BTAF1: variants seen among roughly 807,000 people sequenced by gnomAD.
BTAF1 encodes the protein TATA-binding protein-associated factor 172.
A neutral mutation model predicts 227.1 loss-of-function variants in BTAF1; 38 were observed. The observed-to-expected ratio is 0.17, with a 90% CI of 0.13 to 0.22. The LOEUF (loss-of-function observed/expected upper bound fraction) is 0.22, where lower values mean the gene tolerates loss of function less well. BTAF1 is among the 10% of genes least tolerant of loss of function. The pLI, the probability that BTAF1 is intolerant of heterozygous loss-of-function variation, is 1.00. For synonymous variants in BTAF1, 742 were observed against 751.9 expected (o/e 0.99, Z 0.21); for missense variants, 1,598 against 2,204.0 (o/e 0.73, Z 5.51).
chr10:91,981,516 A>G (rs1848061365), intron 15 of BTAF1, 127 bp from the exon 16 acceptor site: 1 of 1,017,638 alleles, frequency 9.8e-7, no homozygotes, highest in Non-Finnish European at 1.4e-6. Flanking sequence ...AAGCCTCTAT[A>G]TTGAATTTCT....
Position 92,029,075 on chromosome 10 carries a change from T to TCCCC in BTAF1, c.*143_*144insCCCC. 1.2e-5 allele frequency: 8 copies of TCCCC among 676,058 alleles called. No individual in the cohort carries two copies. The highest frequency in any genetic ancestry group is 3.9e-4 in the Middle Eastern group (1 of 2,586). 41.9% of individuals were successfully genotyped at this position (676,058 alleles called of 1,614,324 possible). On this transcript the variant is annotated 3_prime_UTR_variant, in exon 38 of 38. Transcript: ENST00000265990. ...ATTCAGCATAATGCTGGCTCTTGTT[T>TCCCC]CACTGGGGGAAACAAGTTATTCTCA...
At chr10:91,996,222 T>A (rs531265507) in intron 23 of BTAF1, 147 bp from the exon 24 acceptor site, 2 of 664,260 alleles carry the variant, frequency 3.0e-6, no homozygotes, top group Non-Finnish European at 5.0e-6. Flanking sequence ...CTATTGAGAA[T>A]GTTTTGGCAG....
chr10:92,024,690 C>T, intron 34 of BTAF1, 66 bp from the exon 35 acceptor site: 3 of 1,317,340 alleles, frequency 2.3e-6, no homozygotes, highest in Non-Finnish European at 3.2e-6. Flanking sequence ...AGAGGAATGT[C>T]ACAGTGAGAT....
intron 25 of BTAF1, among the ~76,000 whole-genome samples, chr10:92,002,691 C>T (rs1477717253): frequency 6.6e-6 from 1 of 152,142 alleles, no homozygotes; most frequent in African/African-American, 2.4e-5. Flanking sequence ...ACTCAATCTA[C>T]ATACCTCACT....
chr10:92,013,662 T>C lies in BTAF1; in HGVS notation c.4312-5T>C, dbSNP rs1850518163. The C allele has an allele frequency of 6.2e-7, 1 of 1,614,072 alleles. No homozygotes were observed. Among genetic ancestry groups the C allele is most frequent in the South Asian group, 1.1e-5 (1 of 91,084 alleles). On this transcript the variant is annotated splice_region_variant and splice_polypyrimidine_tract_variant and intron_variant, in intron 30 of 37. Transcript: ENST00000265990. ...ACAAAAGATAATTGGTGTTCCTGTTTACAGAACAACGTTTTGGAGCTGTGG... is the reference window on the plus strand; with the variant it reads ...ACAAAAGATAATTGGTGTTCCTGTTCACAGAACAACGTTTTGGAGCTGTGG...
At chr10:91,985,177 T>TC (rs985709282) in intron 19 of BTAF1, among the ~76,000 whole-genome samples, 5 of 151,944 alleles carry the variant, frequency 3.3e-5, no homozygotes, top group East Asian at 1.9e-4. Flanking sequence ...TTATTCTAAT[T>TC]CCCCCCCGAA....
In BTAF1 at chr10:92,027,134, G is replaced by A. The variant is rs759893514; in HGVS notation, c.5240G>A (p.Arg1747His). The A allele has an allele frequency of 5.2e-5, 83 of 1,608,650 alleles. No homozygotes were observed. The highest frequency in any genetic ancestry group is 1.2e-4 in the Admixed American group (7 of 58,492). Residue 1747 changes from arginine to histidine, a missense_variant, in exon 37 of 38, where the codon CGT becomes CAT. Arg to His is a conservative substitution (Grantham distance 29). Transcript: ENST00000265990. Reference sequence around the variant, plus strand: ...TTAACTGTTTTTCTTATCCAGAAACGTGTGGTTAACGTATACCGATTGATA... The same window carrying A: ...TTAACTGTTTTTCTTATCCAGAAACATGTGGTTAACGTATACCGATTGATA... Reference protein sequence around the residue: ...MDRAHRIGQKRVVNVYRLITR... With the variant: ...MDRAHRIGQKHVVNVYRLITR...
At chr10:91,987,689 T>C (rs1246857318) in intron 19 of BTAF1, among the ~76,000 whole-genome samples, 1 of 152,124 alleles carries the variant, frequency 6.6e-6, no homozygotes, top group African/African-American at 2.4e-5. Context: ...AAAACATTAT[T>C]TTCCTTTTCC....
chr10:91,996,585 T>C lies in BTAF1; in HGVS notation c.3511+15T>C. 2 of 1,609,988 alleles carry C rather than the reference T, an allele frequency of 1.2e-6. No individual in the cohort carries two copies. Among genetic ancestry groups the C allele is most frequent in the Admixed American group, 1.7e-5 (1 of 60,000 alleles). On this transcript the variant is annotated intron_variant, in intron 24 of 37. Coordinates refer to ENST00000265990, the MANE Select transcript of BTAF1 (RefSeq NM_003972.3). ...AGCACTTGCCTGTATCCTTTTTCAT[T>C]TGACAAACTGTTCAGGAATTATATT...
intron 1 of BTAF1, among the ~76,000 whole-genome samples, chr10:91,932,471 A>G (rs1008003329): frequency 6.6e-6 from 1 of 152,242 alleles, no homozygotes; most frequent in African/African-American, 2.4e-5. Context: ...TGTCCCCAAG[A>G]AACTTGAACT....
At chr10:91,997,172 A>G in intron 24 of BTAF1, 1 of 1,284,628 alleles carries the variant, frequency 7.8e-7, no homozygotes, top group Non-Finnish European at 1.0e-6. Context: ...TGCGCTTACT[A>G]GGCTCACTAT....
intron 17 of BTAF1, 65 bp from the exon 18 acceptor site, chr10:91,982,522 C>T (rs1180365522): frequency 8.7e-6 from 13 of 1,500,220 alleles, no homozygotes; most frequent in Non-Finnish European, 1.1e-5. Flanking sequence ...AAAAAATTTC[C>T]CGAAGTATGG....
chr10:92,001,456 G>T (rs776730569), intron 25 of BTAF1, among the ~76,000 whole-genome samples: 16 of 152,186 alleles, frequency 1.1e-4, no homozygotes, highest in Admixed American at 4.6e-4. Context: ...ACTAAGCAGA[G>T]TAAGAGTAAC....
At chr10:91,985,421 T>G (rs1848338455) in intron 19 of BTAF1, among the ~76,000 whole-genome samples, 1 of 152,184 alleles carries the variant, frequency 6.6e-6, no homozygotes, top group Non-Finnish European at 1.5e-5. Flanking sequence ...CCACTTTTTG[T>G]CTGTTGTGAA....
chr10:92,000,337 T>G (rs1280574246), intron 25 of BTAF1, among the ~76,000 whole-genome samples: 1 of 152,214 alleles, frequency 6.6e-6, no homozygotes, highest in African/African-American at 2.4e-5. Context: ...TATTATGTGT[T>G]CTTTAAACAA....
intron 23 of BTAF1, 52 bp from the exon 24 acceptor site, chr10:91,996,317 A>G (rs1849145147): frequency 1.3e-6 from 2 of 1,521,156 alleles, no homozygotes; most frequent in African/African-American, 1.4e-5. Context: ...ATAGTTACAT[A>G]TTAAACAGTA....
Position 91,996,374 on chromosome 10 carries a change from C to G in BTAF1, c.3315C>G (p.Val1105=), listed in dbSNP as rs769921238. ...SMDSELHPLL[V]QHLPHLYMCL... ...CATTAACTTTTTGTTTTTAGTTGGT[C>G]CAGCATTTGCCACATCTTTATATGT... The change falls in exon 24 of 38, where the codon GTC becomes GTG. Residue 1105 remains valine, a synonymous_variant. Coordinates refer to ENST00000265990, the MANE Select transcript of BTAF1 (RefSeq NM_003972.3). The G allele has an allele frequency of 2.7e-5, 43 of 1,613,500 alleles. No individual in the cohort carries two copies. The highest frequency in any genetic ancestry group is 3.5e-5 in the Non-Finnish European group (41 of 1,179,790).
chr10:91,959,009 C>G, intron 8 of BTAF1, 56 bp from the exon 9 acceptor site: 3 of 1,517,722 alleles, frequency 2.0e-6, no homozygotes, highest in Non-Finnish European at 2.7e-6. Context: ...GAAGAAAAAT[C>G]AAACTTTGTT....
Position 92,013,760 on chromosome 10 carries a change from A to G in BTAF1, c.4405A>G (p.Ile1469Val), listed in dbSNP as rs375960243. The G allele has an allele frequency of 2.5e-6, 4 of 1,614,060 alleles. No homozygotes were observed. Among genetic ancestry groups the G allele is most frequent in the East Asian group, 4.5e-5 (2 of 44,864 alleles). The change falls in exon 31 of 38, where the codon ATA (isoleucine) becomes GTA (valine). Residue 1469 changes from isoleucine (I) to valine (V), a missense_variant. Ile to Val is a conservative substitution (Grantham distance 29). Transcript: ENST00000265990. ...RQFAARYGKP[I>V]LASRDARSSS... ...GTTTGCTGCTCGATATGGTAAACCT[A>G]TATTAGCAAGTAGGGATGCTCGAAG...
Sources: gnomAD v4.1 joint callset for allele counts (sites outside exome capture counted in the v4.1 genomes callset) on GRCh38, gnomAD v4.1.1 for gene constraint, MANE v1.5 for transcripts, NCBI Gene and HGNC (gene_info 2026-07-23, HGNC 2026-07-21) for gene names.